USP24: variants seen among roughly 807,000 people sequenced by gnomAD.
USP24 encodes ubiquitin carboxyl-terminal hydrolase 24.
A neutral mutation model predicts 361.6 loss-of-function variants in USP24; 97 were observed. The observed-to-expected ratio is 0.27, with a 90% CI of 0.23 to 0.32. The LOEUF is 0.32. USP24 is among the 10% of genes least tolerant of loss of function. USP24 has a pLI of 1.00. For synonymous variants in USP24, 1,098 were observed against 1,124.6 expected (o/e 0.98, Z 0.47); for missense variants, 2,353 against 3,165.6 (o/e 0.74, Z 6.16).
At chr1:55,190,761 G>A (rs1644265145) in intron 1 of USP24, among the ~76,000 whole-genome samples, 1 of 152,202 alleles carries the variant, frequency 6.6e-6, no homozygotes, top group Non-Finnish European at 1.5e-5. Flanking sequence ...GTAGAGAAAA[G>A]GCTGGTGGAT....
At chr1:55,112,586 G>C (rs141430256) in intron 38 of USP24, among the ~76,000 whole-genome samples, 3,743 of 152,294 alleles carry the variant, frequency 0.025, 56 homozygotes, top group Non-Finnish European at 0.037. Flanking sequence ...GTGCGATTTT[G>C]AGTGAATTTC....
At chr1:55,144,905 G>A (rs1646987093) in intron 20 of USP24, among the ~76,000 whole-genome samples, 1 of 152,164 alleles carries the variant, frequency 6.6e-6, no homozygotes, top group Admixed American at 6.6e-5. Flanking sequence ...CTGCACTCCA[G>A]CCTGGGCGAC....
At chr1:55,116,995 A>T (rs571182727) in intron 38 of USP24, among the ~76,000 whole-genome samples, 2 of 152,338 alleles carry the variant, frequency 1.3e-5, no homozygotes, top group African/African-American at 4.8e-5. Context: ...CACCCCATGA[A>T]CAAGTGGGAT....
intron 63 of USP24, among the ~76,000 whole-genome samples, chr1:55,074,127 A>C (rs1051364346): frequency 4.0e-5 from 6 of 149,248 alleles, no homozygotes; most frequent in Non-Finnish European, 1.5e-5. Context: ...AAAAAAAAAA[A>C]ACCACAACAA....
chr1:55,077,167 T>G, intron 62 of USP24, 68 bp downstream of exon 62: 1 of 1,311,626 alleles, frequency 7.6e-7, no homozygotes, highest in Non-Finnish European at 1.0e-6. Flanking sequence ...CATATAATTT[T>G]TTATTTATAA....
chr1:55,078,894 G>A (rs1557530057), intron 60 of USP24, among the ~76,000 whole-genome samples: 1 of 142,552 alleles, frequency 7.0e-6, no homozygotes, highest in Non-Finnish European at 1.5e-5. Flanking sequence ...TTTTTCAAAG[G>A]CAAAAGCTCC....
At chr1:55,170,943 T>C (rs1570602030) in intron 5 of USP24, among the ~76,000 whole-genome samples, 1 of 152,184 alleles carries the variant, frequency 6.6e-6, no homozygotes. Flanking sequence ...AATAAATGAT[T>C]GCTGACCTAA....
intron 38 of USP24, among the ~76,000 whole-genome samples, chr1:55,119,023 G>A (rs1451988793): frequency 6.6e-6 from 1 of 152,182 alleles, no homozygotes; most frequent in East Asian, 1.9e-4. Context: ...GTTCCACAAA[G>A]AAATCAAACA....
intron 17 of USP24, 120 bp downstream of exon 17, chr1:55,148,343 A>AAT (rs1647090703): frequency 1.5e-6 from 1 of 655,016 alleles, no homozygotes; most frequent in African/African-American, 2.1e-5. Context: ...TAGATGATAT[A>AAT]AGTGAATTAC....
chr1:55,125,417 C>A lies in USP24; in HGVS notation c.3863G>T (p.Gly1288Val), dbSNP rs771232547. ...RQTSRQMSLC[G>V]TPEKSSYRQL... is the part of the protein sequence containing the mutation. ...TCGGTAGGATGACTTTTCTGGGGTA[C>A]CACATAAGGACATCTGTCTGCTTGT... Residue 1288 changes from glycine to valine, a missense_variant, in exon 34 of 68, where the codon GGT becomes GTT. Physicochemically the swap from Gly to Val is moderately radical, Grantham distance 109. Around this residue, in one of 8 missense-constraint regions of USP24, gnomAD observed 949 missense variants for 1,280.5 expected, o/e 0.74. Coordinates refer to ENST00000294383, the MANE Select transcript of USP24 (RefSeq NM_015306.3). The A allele has an allele frequency of 1.2e-6, 2 of 1,613,960 alleles. No individual in the cohort carries two copies.
chr1:55,187,262 C>T (rs1211478666), intron 1 of USP24, among the ~76,000 whole-genome samples: 1 of 152,062 alleles, frequency 6.6e-6, no homozygotes, highest in African/African-American at 2.4e-5. Context: ...AACGACAAAA[C>T]ACTCAACAAA....
intron 47 of USP24, 45 bp downstream of exon 47, chr1:55,097,898 G>A (rs370902591): frequency 1.7e-5 from 27 of 1,559,320 alleles, no homozygotes; most frequent in African/African-American, 5.5e-5. Flanking sequence ...CGCACTATGC[G>A]AATAACAAAT....
At chr1:55,104,405 C>A (rs1645718687) in intron 41 of USP24, among the ~76,000 whole-genome samples, 1 of 151,908 alleles carries the variant, frequency 6.6e-6, no homozygotes, top group Admixed American at 6.6e-5. Context: ...CTTAGGATGG[C>A]AGCAAAAGAA....
Position 55,095,379 on chromosome 1 carries a change from C to T in USP24, c.6079G>A (p.Val2027Met). ...TAGGCATTCCAGTATCTTCGGCGCA[C>T]ATCAGTGTATGGGTTTGCTTTATAA... The part of the protein sequence containing the change: ...VYDQTNPYTD[V>M]RRRYWNAYML... The change falls in exon 51 of 68, where the codon GTG becomes ATG. Residue 2027 changes from valine (V) to methionine (M), a missense_variant. Coordinates refer to ENST00000294383, the MANE Select transcript of USP24 (RefSeq NM_015306.3). The T allele has an allele frequency of 1.2e-6, 2 of 1,612,370 alleles. No homozygotes were observed. Among genetic ancestry groups the T allele is most frequent in the Non-Finnish European group, 1.7e-6 (2 of 1,179,182 alleles).
intron 42 of USP24, among the ~76,000 whole-genome samples, chr1:55,102,001 TC>T (rs1645647637): frequency 6.6e-6 from 1 of 152,172 alleles, no homozygotes; most frequent in Non-Finnish European, 1.5e-5. Flanking sequence ...TAAATACCCT[TC>T]TATCTGCCAG....
chr1:55,078,797 T>G (rs922736491), intron 60 of USP24, 146 bp from the exon 61 acceptor site: 1 of 575,078 alleles, frequency 1.7e-6, no homozygotes, highest in African/African-American at 1.9e-5. Context: ...TAGAAGTCTA[T>G]AGATAGACTT....
intron 1 of USP24, among the ~76,000 whole-genome samples, chr1:55,189,750 A>G (rs1323969151): frequency 6.6e-6 from 1 of 152,246 alleles, no homozygotes; most frequent in African/African-American, 2.4e-5. Flanking sequence ...AAATGAGTTC[A>G]ATGATTATAG....
At chr1:55,203,464 T>C (rs1164412525) in intron 1 of USP24, among the ~76,000 whole-genome samples, 1 of 152,212 alleles carries the variant, frequency 6.6e-6, no homozygotes, top group African/African-American at 2.4e-5. Context: ...TTTTAATCCT[T>C]AAAGTTTCAA....
chr1:55,120,090 C>T (rs986835897), intron 38 of USP24, among the ~76,000 whole-genome samples: 43 of 152,274 alleles, frequency 2.8e-4, no homozygotes, highest in African/African-American at 1.0e-3. Flanking sequence ...CTGAGGAGCA[C>T]ATGCATGCAG....
Sources: gnomAD v4.1 joint callset for allele counts (sites outside exome capture counted in the v4.1 genomes callset) on GRCh38, gnomAD v4.1.1 for gene constraint, gnomAD v4.1.1 regional missense constraint, MANE v1.5 for transcripts, NCBI Gene and HGNC (gene_info 2026-07-23, HGNC 2026-07-21) for gene names.